NPHP4: variants seen among roughly 807,000 people sequenced by gnomAD.
The protein encoded by NPHP4 is nephrocystin 4, also known as nephrocystin-4.
A neutral mutation model predicts 155.8 loss-of-function variants in NPHP4; 151 were observed. The ratio of observed to expected loss-of-function variants is 0.97; its 90% CI spans 0.85 to 1.11. The LOEUF (loss-of-function observed/expected upper bound fraction) is 1.11. Among genes scored for constraint, NPHP4 ranks in the 50% least tolerant of loss-of-function variants. The pLI, the probability that NPHP4 is intolerant of heterozygous loss-of-function variation, is 0.00. For synonymous variants in NPHP4, 845 were observed against 816.8 expected (o/e 1.03, Z -0.59); for missense variants, 1,956 against 1,925.7 (o/e 1.02, Z -0.29).
Position 5,890,291 on chromosome 1 carries a change from CAA to C in NPHP4, c.2304+575_2304+576del, listed in dbSNP as rs904171781. 1.3e-5 allele frequency among the ~76,000 whole-genome samples: 2 copies of C among 152,138 alleles called. No homozygotes were observed. The highest frequency in any genetic ancestry group is 2.4e-5 in the African/African-American group (1 of 41,428). On this transcript the variant is annotated intron_variant, in intron 17 of 29. Transcript: ENST00000378156. This position sits in a 1 kb window ranked among gnomAD's most constrained non-coding sequence, Gnocchi z 4.9. ...GTGAAACTGGCCCCAGTCCTTGGCC[CAA>C]GAGTTGTCATGGGGTCCCCTTCATA... is the stretch of plus-strand genomic sequence containing the variant.
intron 26 of NPHP4, chr1:5,865,531 C>A (rs1641129446): frequency 4.7e-6 from 2 of 427,906 alleles, no homozygotes; most frequent in Non-Finnish European, 8.4e-6. Context: ...TCTCAGGGCG[C>A]AGCAGGGCTG....
intron 2 of NPHP4, among the ~76,000 whole-genome samples, chr1:5,985,084 A>G (rs1048891430): frequency 1.4e-4 from 21 of 152,244 alleles, no homozygotes; most frequent in Non-Finnish European, 2.4e-4. Flanking sequence ...AGTGGCAAAG[A>G]CACAGCAGGT....
chr1:5,943,906 G>A (rs185611609), intron 9 of NPHP4, among the ~76,000 whole-genome samples: 5 of 152,254 alleles, frequency 3.3e-5, no homozygotes, highest in Non-Finnish European at 5.9e-5. Context: ...GTCTCCAATA[G>A]CCCAGGTGGA....
Position 5,952,775 on chromosome 1 carries a change from G to T in NPHP4, c.735C>A (p.Phe245Leu). Residue 245 changes from phenylalanine to leucine, a missense_variant, in exon 7 of 30, where the codon TTC becomes TTA. By Grantham distance (22) the Phe-to-Leu change is conservative (BLOSUM62 0). Coordinates refer to ENST00000378156, the MANE Select transcript of NPHP4 (RefSeq NM_015102.5). ...TCTCCAGGGAGGGGTACAGGGTGAA[G>T]AATAAGTCATCCAAGTGCCCCGTGA... ...KPITGHLDDL[F>L]FTLYPSLEKF... 6.3e-7 allele frequency: 1 copy of T among 1,587,000 alleles called. No homozygotes were observed. The highest frequency in any genetic ancestry group is 8.6e-7 in the Non-Finnish European group (1 of 1,166,400).
chr1:5,864,137 C>G, intron 28 of NPHP4, 104 bp from the exon 29 acceptor site: 1 of 1,347,592 alleles, frequency 7.4e-7, no homozygotes, highest in African/African-American at 1.4e-5. Flanking sequence ...TGCACGGGGA[C>G]CCCCACAGAG....
intron 2 of NPHP4, among the ~76,000 whole-genome samples, 194 bp from the exon 3 acceptor site, chr1:5,978,607 T>C (rs1163100128): frequency 6.6e-6 from 1 of 152,042 alleles, no homozygotes; most frequent in Non-Finnish European, 1.5e-5. Context: ...GGCCCTCCCC[T>C]GGCCAACGAA....
chr1:5,878,033 C>T (rs1642800385), intron 19 of NPHP4, among the ~76,000 whole-genome samples: 1 of 152,222 alleles, frequency 6.6e-6, no homozygotes, highest in South Asian at 2.1e-4. Context: ...CAAAGGCTGA[C>T]ACATGAGGCT....
chr1:5,909,434 G>C (rs1313843981), intron 11 of NPHP4, among the ~76,000 whole-genome samples: 2 of 152,176 alleles, frequency 1.3e-5, no homozygotes, highest in Non-Finnish European at 1.5e-5. Context: ...GCCAGGAGAG[G>C]GGGTACAGCT....
At chr1:5,925,294 T>C (rs1217828529) in intron 11 of NPHP4, among the ~76,000 whole-genome samples, 2 of 152,208 alleles carry the variant, frequency 1.3e-5, no homozygotes, top group Non-Finnish European at 2.9e-5. Flanking sequence ...TTGCACTGTA[T>C]TAGGTATTGT....
Position 5,874,876 on chromosome 1 carries a change from G to A in NPHP4, c.3042C>T (p.Leu1014=). The A allele has an allele frequency of 6.2e-7, 1 of 1,613,346 alleles. No individual in the cohort carries two copies. The highest frequency in any genetic ancestry group is 1.1e-5 in the South Asian group (1 of 91,046). ...TVTVEIDNPE[L]SVIVDSQEWR... is the part of the protein sequence containing the mutation. ...GACGGGCACCACTGAGACCTCACCT[G>A]AGCTCGGGGTTGTCGATCTCCACAG... The change falls in exon 21 of 30, where the codon CTC becomes CTT. Residue 1014 remains leucine (L), a splice_region_variant and synonymous_variant. Transcript: ENST00000378156.
At chr1:5,888,077 G>A (rs1428228852) in intron 17 of NPHP4, among the ~76,000 whole-genome samples, 3 of 152,136 alleles carry the variant, frequency 2.0e-5, no homozygotes, top group Non-Finnish European at 2.9e-5. Context: ...CATGGGGCAC[G>A]AGAGGCCCGC....
At chr1:5,883,807 T>C (rs886228593) in intron 18 of NPHP4, among the ~76,000 whole-genome samples, 5 of 152,200 alleles carry the variant, frequency 3.3e-5, no homozygotes, top group African/African-American at 4.8e-5. Flanking sequence ...TGGTCTATTT[T>C]AAGCCTGTAC....
intron 2 of NPHP4, among the ~76,000 whole-genome samples, chr1:5,981,144 C>T (rs547374109): frequency 6.6e-6 from 1 of 152,282 alleles, no homozygotes; most frequent in East Asian, 1.9e-4. Flanking sequence ...GCCTGGGTTC[C>T]CCCAGCACCG....
rs1335154232 is a variant in NPHP4, at chr1:5,905,725, G to A, written c.1670C>T (p.Ser557Phe). 1 of 1,613,472 alleles carries A rather than the reference G, an allele frequency of 6.2e-7. No homozygotes were observed. The highest frequency in any genetic ancestry group is 1.3e-5 in the African/African-American group (1 of 74,914). The change falls in exon 14 of 30, where the codon TCC (serine) becomes TTC (phenylalanine). Residue 557 changes from serine (S) to phenylalanine (F), a missense_variant. Coordinates refer to ENST00000378156, the MANE Select transcript of NPHP4 (RefSeq NM_015102.5). The surrounding 1 kb of genome is among the most constrained non-coding windows in gnomAD (Gnocchi z 4.0). Reference protein sequence around the residue: ...SHLEADLSQTSLVLETSIAEQ... With the variant: ...SHLEADLSQTFLVLETSIAEQ... ...GGCAATGGATGTTTCCAGGACCAGG[G>A]AGGTCTGGCTCAGGTCGGCTTCCAG...
chr1:5,880,876 G>A (rs1270758393), intron 18 of NPHP4: 1 of 153,060 alleles, frequency 6.5e-6, no homozygotes, highest in South Asian at 2.1e-4. Context: ...CACAACCTCG[G>A]TGTGGCCTTT....
chr1:5,934,249 T>C (rs962925501), intron 9 of NPHP4, among the ~76,000 whole-genome samples: 1 of 152,092 alleles, frequency 6.6e-6, no homozygotes, highest in Non-Finnish European at 1.5e-5. Flanking sequence ...GGAAGCCGAT[T>C]AGCCAGAGGC....
In NPHP4 at chr1:5,887,362, C is replaced by T. The variant is rs763148960; in HGVS notation, c.2409G>A (p.Leu803=). 2 of 1,613,622 alleles carry T rather than the reference C, an allele frequency of 1.2e-6. No individual in the cohort carries two copies. The highest frequency in any genetic ancestry group is 1.7e-6 in the Non-Finnish European group (2 of 1,179,894). Reference sequence around the variant, plus strand: ...CGATGGGCTTGACGCGGCCAAACCCCAGCATGTCTCCACTCACCACCATGT... The same window carrying T: ...CGATGGGCTTGACGCGGCCAAACCCTAGCATGTCTCCACTCACCACCATGT... ...QDNMVVSGDM[L]GFGRVKPIGV... The change falls in exon 18 of 30, where the codon CTG becomes CTA. Residue 803 remains leucine, a synonymous_variant. Coordinates refer to ENST00000378156, the MANE Select transcript of NPHP4 (RefSeq NM_015102.5).
chr1:5,967,495 G>T, intron 4 of NPHP4, 132 bp from the exon 5 acceptor site: 1 of 710,074 alleles, frequency 1.4e-6, no homozygotes, highest in Non-Finnish European at 2.4e-6. Flanking sequence ...CTCTGCGGAA[G>T]GCAGAGGCAG....
At chr1:5,974,309 G>A (rs1557870812) in intron 3 of NPHP4, among the ~76,000 whole-genome samples, 1 of 152,188 alleles carries the variant, frequency 6.6e-6, no homozygotes, top group Non-Finnish European at 1.5e-5. Flanking sequence ...TTCCCTTGAT[G>A]GGGGTTTAAG....
Sources: allele counts gnomAD v4.1 joint callset (sites outside exome capture counted in the v4.1 genomes callset), GRCh38; gene constraint gnomAD v4.1.1; non-coding constraint Gnocchi (gnomAD v3.1); transcripts MANE v1.5; gene names NCBI Gene and HGNC (gene_info 2026-07-23, HGNC 2026-07-21).